PRKN: variants seen among roughly 807,000 people sequenced by gnomAD.
PRKN encodes parkin RBR E3 ubiquitin protein ligase.
Under a neutral mutation model 59.5 loss-of-function variants are expected in PRKN, and 56 were observed. The ratio of observed to expected loss-of-function variants is 0.94; its 90% CI spans 0.76 to 1.18. The LOEUF is 1.18. Among genes scored for constraint, PRKN ranks in the 50% most tolerant of loss-of-function variants. PRKN has a pLI of 0.00. For missense variants in PRKN, 657 were observed against 596.4 expected, an observed-to-expected ratio of 1.10 and a Z score of -1.06; for synonymous variants, 250 against 222.1, an observed-to-expected ratio of 1.13 and a Z score of -1.12.
chr6:161,798,507 T>TC (rs1367913919), intron 6 of PRKN, among the ~76,000 whole-genome samples: 1 of 152,222 alleles, frequency 6.6e-6, no homozygotes, highest in Admixed American at 6.5e-5. Context: ...TCACAACATT[T>TC]CTTTTTTATC....
intron 4 of PRKN, among the ~76,000 whole-genome samples, chr6:162,146,537 C>T (rs561246856): frequency 6.6e-6 from 1 of 151,478 alleles, no homozygotes; most frequent in East Asian, 1.9e-4. Flanking sequence ...GACCGTCTTG[C>T]TCAGTCACGC....
chr6:162,392,009 C>G (rs1787224372), intron 2 of PRKN, among the ~76,000 whole-genome samples: 2 of 149,246 alleles, frequency 1.3e-5, no homozygotes, highest in South Asian at 4.3e-4. Flanking sequence ...TAACATTCTT[C>G]ACTTTTCTTA....
At chr6:161,898,364 G>A (rs780839589) in intron 6 of PRKN, among the ~76,000 whole-genome samples, 3 of 152,172 alleles carry the variant, frequency 2.0e-5, no homozygotes, top group Non-Finnish European at 4.4e-5. Context: ...AAGGTCCCAC[G>A]AGCAATAATA....
intron 7 of PRKN, among the ~76,000 whole-genome samples, chr6:161,769,535 G>A (rs542141958): frequency 1.3e-5 from 2 of 152,218 alleles, no homozygotes; most frequent in Admixed American, 6.5e-5. Context: ...GCTGCCAGAT[G>A]TCCGCCTAAA....
At chr6:162,672,974 A>G (rs1044484106) in intron 1 of PRKN, among the ~76,000 whole-genome samples, 3 of 152,238 alleles carry the variant, frequency 2.0e-5, no homozygotes, top group Non-Finnish European at 4.4e-5. Flanking sequence ...GTCTAGCAAC[A>G]GGAATGTTCA....
At chr6:162,181,544 C>T (rs964382154) in intron 4 of PRKN, among the ~76,000 whole-genome samples, 2 of 151,934 alleles carry the variant, frequency 1.3e-5, no homozygotes, top group African/African-American at 2.4e-5. Context: ...GAAATAAATG[C>T]ATAAAGAGGG....
At chr6:162,185,079 T>C (rs1199417630) in intron 4 of PRKN, among the ~76,000 whole-genome samples, 1 of 152,198 alleles carries the variant, frequency 6.6e-6, no homozygotes, top group Non-Finnish European at 1.5e-5. Flanking sequence ...TATTGGGCTC[T>C]GCTTCTGAAC....
rs1284119724 is a variant in PRKN at position 161,447,415 on chromosome 6, T to G, written c.1084-60538A>C. On this transcript the variant is annotated intron_variant, in intron 9 of 11. Transcript: ENST00000366898. This position sits in a 1 kb window ranked among gnomAD's most constrained non-coding sequence, Gnocchi z 4.1. ...AGTTATAAATAACTTTTCTTCTGTG[T>G]ATTGGTTTAAGTTTAGAAAAGGCCC... Among the ~76,000 whole-genome samples the G allele has an allele frequency of 6.6e-6, 1 of 152,212 alleles. No homozygotes were observed. Among genetic ancestry groups the G allele is most frequent in the Non-Finnish European group, 1.5e-5 (1 of 68,030 alleles).
intron 6 of PRKN, among the ~76,000 whole-genome samples, chr6:161,860,343 C>T (rs1793840676): frequency 6.6e-6 from 1 of 152,092 alleles, no homozygotes. Context: ...GTATAAGTTT[C>T]AACAAGGGAA....
chr6:161,826,156 A>T (rs1373956642), intron 6 of PRKN, among the ~76,000 whole-genome samples: 1 of 152,172 alleles, frequency 6.6e-6, no homozygotes, highest in African/African-American at 2.4e-5. Flanking sequence ...TATCATTACC[A>T]CGAAGATTCA....
At chr6:162,101,626 C>T (rs976403803) in intron 4 of PRKN, among the ~76,000 whole-genome samples, 1 of 151,628 alleles carries the variant, frequency 6.6e-6, no homozygotes, top group Non-Finnish European at 1.5e-5. Flanking sequence ...GAGCCGAGAT[C>T]GTGCCACTGC....
intron 2 of PRKN, among the ~76,000 whole-genome samples, chr6:162,318,689 A>G (rs764656542): frequency 6.6e-6 from 1 of 151,984 alleles, no homozygotes; most frequent in Non-Finnish European, 1.5e-5. Flanking sequence ...TTTCCCTAAT[A>G]ATTAGTGATG....
At position 162,550,085 on chromosome 6, in the gene PRKN, T is replaced by C. The variant is rs184205454; in HGVS notation, c.8-106612A>G. On this transcript the variant is annotated intron_variant, in intron 1 of 11. Coordinates refer to ENST00000366898, the MANE Select transcript of PRKN (RefSeq NM_004562.3). ...GTTCCTAATAATATCACCTTCACAA[T>C]AGAAAATAAAGATCTATGTGCAGAT... 4.0e-3 allele frequency among the ~76,000 whole-genome samples: 604 copies of C among 152,240 alleles called. 5 individuals are homozygous for C. Among genetic ancestry groups the C allele is most frequent in the Non-Finnish European group, 6.7e-3 (453 of 68,024 alleles).
At chr6:162,018,456 C>G (rs1244806384) in intron 5 of PRKN, among the ~76,000 whole-genome samples, 1 of 152,108 alleles carries the variant, frequency 6.6e-6, no homozygotes, top group African/African-American at 2.4e-5. Context: ...ATGAGAGGAG[C>G]CATTTTTGAA....
intron 2 of PRKN, among the ~76,000 whole-genome samples, chr6:162,400,456 T>TAAAAAAAAAA (rs750247669): frequency 5.4e-5 from 3 of 55,584 alleles, no homozygotes; most frequent in Non-Finnish European, 7.2e-5. Flanking sequence ...CATGTAAATA[T>TAAAAAAAAAA]CAAAAAAAAA....
At chr6:162,450,190 A>G (rs887091903) in intron 1 of PRKN, among the ~76,000 whole-genome samples, 4 of 151,984 alleles carry the variant, frequency 2.6e-5, no homozygotes, top group African/African-American at 9.7e-5. Flanking sequence ...TTGCTCAGCT[A>G]AAGGAAGGAT....
chr6:161,487,025 G>T lies in PRKN; in HGVS notation c.1083+61829C>A, dbSNP rs542848690. On this transcript the variant is annotated intron_variant, in intron 9 of 11. Transcript: ENST00000366898. This position sits in a 1 kb window ranked among gnomAD's most constrained non-coding sequence, Gnocchi z 5.3. ...GGAGGTGTAGCTCGTCTTCATGGAG[G>T]TTAGGGGCAAGTGAGTTTAGTGAAT... 1.3e-5 allele frequency among the ~76,000 whole-genome samples: 2 copies of T among 152,280 alleles called. No homozygotes were observed. The highest frequency in any genetic ancestry group is 1.3e-4 in the Admixed American group (2 of 15,294).
chr6:162,015,937 C>T (rs13201582), intron 5 of PRKN, among the ~76,000 whole-genome samples: 33,576 of 151,956 alleles, frequency 0.22, 4,202 homozygotes, highest in Non-Finnish European at 0.29. Flanking sequence ...TTCATTTACA[C>T]GAAACAGAAC....
At chr6:162,627,071 G>A (rs1782926534) in intron 1 of PRKN, among the ~76,000 whole-genome samples, 1 of 152,164 alleles carries the variant, frequency 6.6e-6, no homozygotes, top group African/African-American at 2.4e-5. Context: ...ATTCAATGCA[G>A]TGCTGGAGAC....
Sources: allele counts gnomAD v4.1 joint callset (sites outside exome capture counted in the v4.1 genomes callset), GRCh38; gene constraint gnomAD v4.1.1; non-coding constraint Gnocchi (gnomAD v3.1); transcripts MANE v1.5; gene names NCBI Gene and HGNC (gene_info 2026-07-23, HGNC 2026-07-21).